ADGRL3: variants seen among roughly 807,000 people sequenced by gnomAD.
ADGRL3 encodes adhesion G protein-coupled receptor L3.
In ADGRL3, 62 loss-of-function variants were observed where a neutral mutation model predicts 153.5. That is an observed-to-expected ratio of 0.40 (90% CI 0.33 to 0.50). The LOEUF (loss-of-function observed/expected upper bound fraction) is 0.50. ADGRL3 is among the 20% of genes least tolerant of loss of function. ADGRL3 has a pLI of 0.47. For synonymous variants in ADGRL3, 710 were observed against 672.5 expected, an observed-to-expected ratio of 1.06 and a Z score of -0.86; for missense variants, 1,641 against 1,859.4, an observed-to-expected ratio of 0.88 and a Z score of 2.16.
chr4:61,309,788 G>A (rs1054581013), intron 1 of ADGRL3, among the ~76,000 whole-genome samples: 1 of 151,990 alleles, frequency 6.6e-6, no homozygotes, highest in Non-Finnish European at 1.5e-5. Flanking sequence ...TTCCAAGAAA[G>A]CGAGCTGTTC....
At chr4:61,499,995 C>CACAG (rs1168230377) in intron 3 of ADGRL3, among the ~76,000 whole-genome samples, 1 of 131,770 alleles carries the variant, frequency 7.6e-6, no homozygotes, top group African/African-American at 3.3e-5. Flanking sequence ...CAGACACACA[C>CACAG]ACACACACAC....
At chr4:61,272,612 C>T (rs534229659) in intron 1 of ADGRL3, among the ~76,000 whole-genome samples, 1 of 152,138 alleles carries the variant, frequency 6.6e-6, no homozygotes, top group South Asian at 2.1e-4. Flanking sequence ...GCTATGGCCT[C>T]TAGTAGGACT....
At chr4:62,020,356 C>T (rs1477193643) in intron 21 of ADGRL3, among the ~76,000 whole-genome samples, 1 of 152,122 alleles carries the variant, frequency 6.6e-6, no homozygotes, top group Non-Finnish European at 1.5e-5. Context: ...CATCTCTTTA[C>T]ATTCCAATGA....
At chr4:62,039,723 T>C (rs1727120369) in intron 24 of ADGRL3, among the ~76,000 whole-genome samples, 1 of 152,100 alleles carries the variant, frequency 6.6e-6, no homozygotes, top group East Asian at 1.9e-4. Flanking sequence ...TTATAATTAA[T>C]GCCTTTATTT....
chr4:61,936,699 A>T (rs1037320028), intron 15 of ADGRL3, among the ~76,000 whole-genome samples: 1 of 151,466 alleles, frequency 6.6e-6, no homozygotes, highest in South Asian at 2.1e-4. Flanking sequence ...ATGTGTGTGT[A>T]TATATATATA....
intron 1 of ADGRL3, among the ~76,000 whole-genome samples, chr4:61,264,524 CT>C (rs2092730497): frequency 6.6e-6 from 1 of 152,034 alleles, no homozygotes. Context: ...CAGATTCTCT[CT>C]CCTTCCCTTT....
chr4:61,788,669 G>A (rs1194107478), intron 8 of ADGRL3, among the ~76,000 whole-genome samples: 1 of 152,058 alleles, frequency 6.6e-6, no homozygotes, highest in African/African-American at 2.4e-5. Flanking sequence ...ACCAGCAATG[G>A]ATCCAAACCA....
chr4:61,286,318 T>G (rs1413255613), intron 1 of ADGRL3, among the ~76,000 whole-genome samples: 1 of 151,218 alleles, frequency 6.6e-6, no homozygotes, highest in East Asian at 1.9e-4. Context: ...TTTTTTTTTT[T>G]GAAATTTTAG....
chr4:61,206,343 G>A (rs1577849669), intron 1 of ADGRL3, among the ~76,000 whole-genome samples: 1 of 152,190 alleles, frequency 6.6e-6, no homozygotes, highest in South Asian at 2.1e-4. Flanking sequence ...TCATCCAACT[G>A]AATGTTTCTG....
chr4:61,327,390 C>T lies in ADGRL3; in HGVS notation c.-239-55734C>T, dbSNP rs373717070. On this transcript the variant is annotated intron_variant, in intron 1 of 26. Coordinates refer to ENST00000683033, the MANE Select transcript of ADGRL3 (RefSeq NM_001387552.1). Reference sequence around the variant, plus strand: ...AGATTTCCTGTAAAGTATGCTCCTACCTGTTTTCTTTTTCCATTTTAGAAC... The same window carrying T: ...AGATTTCCTGTAAAGTATGCTCCTATCTGTTTTCTTTTTCCATTTTAGAAC... 1.8e-4 allele frequency among the ~76,000 whole-genome samples: 27 copies of T among 150,938 alleles called. 1 individual carries two copies. Among genetic ancestry groups the T allele is most frequent in the African/African-American group, 6.6e-4 (27 of 41,114 alleles).
intron 4 of ADGRL3, among the ~76,000 whole-genome samples, chr4:61,543,351 G>T (rs934893016): frequency 2.0e-5 from 3 of 152,098 alleles, no homozygotes; most frequent in African/African-American, 7.2e-5. Flanking sequence ...AGAGTGAGAA[G>T]AAGAAGGGAG....
intron 2 of ADGRL3, among the ~76,000 whole-genome samples, chr4:61,479,471 A>G (rs335326): frequency 0.94 from 143,501 of 152,100 alleles, 68,257 homozygotes; most frequent in East Asian, 1. Flanking sequence ...AGTACCCAAT[A>G]TAGGGTCTCT....
chr4:61,440,281 C>G (rs1463475398), intron 2 of ADGRL3, among the ~76,000 whole-genome samples: 2 of 152,158 alleles, frequency 1.3e-5, no homozygotes, highest in African/African-American at 4.8e-5. Context: ...AACTCCTGAC[C>G]TCATGATCCG....
intron 8 of ADGRL3, among the ~76,000 whole-genome samples, chr4:61,789,754 T>C (rs1240975267): frequency 6.6e-6 from 1 of 152,190 alleles, no homozygotes; most frequent in African/African-American, 2.4e-5. Context: ...GTATTTTCAC[T>C]TTTGCCAAAA....
intron 4 of ADGRL3, among the ~76,000 whole-genome samples, chr4:61,520,682 G>GTCTGTC (rs1553953060): frequency 8.1e-6 from 1 of 123,472 alleles, no homozygotes; most frequent in Admixed American, 8.2e-5. Flanking sequence ...GTGTGTGTGT[G>GTCTGTC]TGTCTGTCTG....
intron 21 of ADGRL3, among the ~76,000 whole-genome samples, chr4:62,006,030 A>ATG (rs1345713033): frequency 1.2e-5 from 1 of 80,274 alleles, no homozygotes; most frequent in Admixed American, 1.3e-4. Context: ...ATATATATAT[A>ATG]TATTTTTTTT....
chr4:61,596,605 T>C (rs529302766), intron 5 of ADGRL3, among the ~76,000 whole-genome samples: 81 of 152,318 alleles, frequency 5.3e-4, no homozygotes, highest in African/African-American at 1.9e-3. Context: ...ACTCATTGTT[T>C]ATTTTTTATT....
chr4:61,205,620 C>G (rs17219711), intron 1 of ADGRL3, among the ~76,000 whole-genome samples: 1 of 151,988 alleles, frequency 6.6e-6, no homozygotes, highest in Non-Finnish European at 1.5e-5. Flanking sequence ...TTATTTCATG[C>G]GAATGCATTT....
At chr4:62,011,097 A>G (rs13124516) in intron 21 of ADGRL3, among the ~76,000 whole-genome samples, 135,090 of 152,104 alleles carry the variant, frequency 0.89, 60,685 homozygotes, top group South Asian at 0.95. Context: ...ACAAGAAATA[A>G]GATTTGGAAC....
Sources: gnomAD v4.1 joint callset for allele counts (sites outside exome capture counted in the v4.1 genomes callset) on GRCh38, gnomAD v4.1.1 for gene constraint, MANE v1.5 for transcripts, NCBI Gene and HGNC (gene_info 2026-07-23, HGNC 2026-07-21) for gene names.